Variants in RBFOX1 observed in about 807,000 individuals in gnomAD.
The protein encoded by RBFOX1 is RNA binding protein fox-1 homolog 1.
In RBFOX1, 8 loss-of-function variants were observed where a neutral mutation model predicts 57.7. That is an observed-to-expected ratio of 0.14 (90% confidence interval 0.08 to 0.25). The LOEUF is 0.25. Ranked by LOEUF, RBFOX1 falls within the 10% of genes least tolerant of loss-of-function variation. The pLI, the probability that RBFOX1 is intolerant of heterozygous loss-of-function variation, is 1.00. For synonymous variants in RBFOX1, 326 were observed against 222.4 expected (o/e 1.47, Z -4.15); for missense variants, 611 against 548.5 (o/e 1.11, Z -1.14).
At chr16:6,659,258 G>A (rs2098686037) in intron 3 of RBFOX1, among the ~76,000 whole-genome samples, 1 of 134,880 alleles carries the variant, frequency 7.4e-6, no homozygotes, top group East Asian at 2.2e-4. Context: ...ACACAGACAG[G>A]GCTTCCTCTT....
chr16:6,334,229 C>T (rs1376840416), intron 2 of RBFOX1, among the ~76,000 whole-genome samples: 1 of 152,026 alleles, frequency 6.6e-6, no homozygotes, highest in Non-Finnish European at 1.5e-5. Flanking sequence ...CGAAAGTGGC[C>T]AGGTGTGGTG....
intron 2 of RBFOX1, among the ~76,000 whole-genome samples, chr16:6,494,908 T>G (rs908324063): frequency 2.6e-5 from 4 of 152,204 alleles, no homozygotes; most frequent in Admixed American, 6.5e-5. Context: ...GGCTGTATTC[T>G]AAGCCTGTTA....
intron 4 of RBFOX1, among the ~76,000 whole-genome samples, chr16:7,222,095 G>C (rs930814966): frequency 6.6e-6 from 1 of 152,146 alleles, no homozygotes; most frequent in East Asian, 1.9e-4. Flanking sequence ...GCTTCCAGCT[G>C]ATATTATAAA....
chr16:6,831,591 A>AC (rs1268709649), intron 3 of RBFOX1, among the ~76,000 whole-genome samples: 2 of 152,190 alleles, frequency 1.3e-5, no homozygotes, highest in Non-Finnish European at 2.9e-5. Flanking sequence ...ACTCAAAAAT[A>AC]TTTTCAACAA....
intron 3 of RBFOX1, among the ~76,000 whole-genome samples, chr16:6,857,442 A>C (rs1018614880): frequency 1.3e-5 from 2 of 152,182 alleles, no homozygotes; most frequent in African/African-American, 4.8e-5. Flanking sequence ...GAAAGAGTTA[A>C]GCCATTTTTC....
intron 4 of RBFOX1, among the ~76,000 whole-genome samples, chr16:7,425,988 T>G (rs181605199): frequency 6.6e-6 from 1 of 152,320 alleles, no homozygotes; most frequent in East Asian, 1.9e-4. Context: ...TTTATACACA[T>G]TGGTGTTCAT....
chr16:6,131,185 G>A (rs75161035), intron 1 of RBFOX1, among the ~76,000 whole-genome samples: 143 of 152,346 alleles, frequency 9.4e-4, no homozygotes, highest in African/African-American at 3.1e-3. Flanking sequence ...GGACTACCTA[G>A]TGTGATGGAA....
chr16:7,691,718 A>C (rs1301154643), intron 14 of RBFOX1, among the ~76,000 whole-genome samples: 12 of 152,080 alleles, frequency 7.9e-5, no homozygotes, highest in Admixed American at 7.9e-4. Flanking sequence ...TGTCTAGCAC[A>C]TTGGACAGTT....
chr16:7,139,353 G>T (rs932036580), intron 4 of RBFOX1, among the ~76,000 whole-genome samples: 5 of 152,086 alleles, frequency 3.3e-5, no homozygotes, highest in African/African-American at 9.7e-5. Context: ...CTTACAGACA[G>T]AATTGTCTTT....
intron 1 of RBFOX1, among the ~76,000 whole-genome samples, chr16:6,163,333 A>G (rs990307622): frequency 6.6e-6 from 1 of 152,230 alleles, no homozygotes; most frequent in African/African-American, 2.4e-5. Flanking sequence ...ATGAAAGATG[A>G]ACAGCTTTTG....
intron 4 of RBFOX1, among the ~76,000 whole-genome samples, chr16:7,219,127 T>A (rs993851883): frequency 1.2e-4 from 19 of 152,310 alleles, no homozygotes; most frequent in Non-Finnish European, 1.5e-4. Context: ...GCTGGCTTTG[T>A]GTCAGCCCTG....
chr16:6,573,168 A>C (rs2097369319), intron 2 of RBFOX1, among the ~76,000 whole-genome samples: 1 of 152,080 alleles, frequency 6.6e-6, no homozygotes, highest in South Asian at 2.1e-4. Flanking sequence ...CAGAGACTTT[A>C]CCATCATTTC....
At chr16:6,919,294 G>C (rs9935577) in intron 3 of RBFOX1, among the ~76,000 whole-genome samples, 111,498 of 152,058 alleles carry the variant, frequency 0.73, 41,002 homozygotes, top group African/African-American at 0.79. Flanking sequence ...GGCCCAAGAG[G>C]TAATGTTTCT....
At chr16:6,892,128 A>T (rs192302559) in intron 3 of RBFOX1, among the ~76,000 whole-genome samples, 2 of 151,710 alleles carry the variant, frequency 1.3e-5, no homozygotes, top group Non-Finnish European at 2.9e-5. Context: ...AAGTCCCCAA[A>T]CCCCCTGGTT....
chr16:5,708,747 G>A (rs1447989367), intron 3 of RBFOX1, among the ~76,000 whole-genome samples: 3 of 152,158 alleles, frequency 2.0e-5, no homozygotes, highest in Non-Finnish European at 2.9e-5. Flanking sequence ...CCATCTTGGG[G>A]ATATTCAAAC....
intron 3 of RBFOX1, among the ~76,000 whole-genome samples, chr16:6,779,356 T>A (rs1415262071): frequency 6.6e-6 from 1 of 152,082 alleles, no homozygotes; most frequent in Non-Finnish European, 1.5e-5. Context: ...GTCATGCTTT[T>A]TTGTGGTTGA....
At chr16:5,552,888 C>T (rs1197615609) in intron 2 of RBFOX1, among the ~76,000 whole-genome samples, 1 of 152,102 alleles carries the variant, frequency 6.6e-6, no homozygotes, top group South Asian at 2.1e-4. Context: ...TGATACCCAT[C>T]TCCAGGTCCT....
At chr16:7,524,116 T>C (rs1229403850) in intron 5 of RBFOX1, among the ~76,000 whole-genome samples, 2 of 152,222 alleles carry the variant, frequency 1.3e-5, no homozygotes, top group Admixed American at 1.3e-4. Flanking sequence ...ATGCTTAATA[T>C]CATTCTAAGG....
At chr16:6,266,004 A>G (rs1007287133) in intron 1 of RBFOX1, among the ~76,000 whole-genome samples, 2 of 152,052 alleles carry the variant, frequency 1.3e-5, no homozygotes, top group Admixed American at 6.6e-5. Flanking sequence ...TTTTTGTGGT[A>G]TTTCTTACTG....
Sources: gnomAD v4.1 joint callset for allele counts (sites outside exome capture counted in the v4.1 genomes callset) on GRCh38, gnomAD v4.1.1 for gene constraint, MANE v1.5 for transcripts, NCBI Gene and HGNC (gene_info 2026-07-23, HGNC 2026-07-21) for gene names.